LIMS1: variants seen among roughly 807,000 people sequenced by gnomAD.
LIMS1 encodes LIM zinc finger domain containing 1.
Under a neutral mutation model 44.1 loss-of-function variants are expected in LIMS1, and 18 were observed. That is an observed-to-expected ratio of 0.41 (90% CI 0.28 to 0.61). The LOEUF is 0.61. Ranked by LOEUF, LIMS1 falls within the 20% of genes least tolerant of loss-of-function variation. The pLI, the probability that LIMS1 is intolerant of heterozygous loss-of-function variation, is 0.32. For missense variants in LIMS1, 201 were observed against 422.0 expected, an observed-to-expected ratio of 0.48 and a Z score of 4.59; for synonymous variants, 93 against 149.1, an observed-to-expected ratio of 0.62 and a Z score of 2.74.
intron 1 of LIMS1, among the ~76,000 whole-genome samples, chr2:108,570,644 G>T: frequency 6.6e-6 from 1 of 152,132 alleles, no homozygotes; most frequent in Admixed American, 6.5e-5. Context: ...TACTGTGATG[G>T]CCTGATTCAC....
chr2:108,640,084 G>T (rs141980159), intron 1 of LIMS1, among the ~76,000 whole-genome samples: 2 of 152,154 alleles, frequency 1.3e-5, no homozygotes, highest in African/African-American at 4.8e-5. Flanking sequence ...TTTCCATGAT[G>T]GGTTTCCTGT....
intron 1 of LIMS1, among the ~76,000 whole-genome samples, chr2:108,591,948 C>A (rs916615797): frequency 4.6e-5 from 7 of 152,050 alleles, no homozygotes; most frequent in Non-Finnish European, 1.0e-4. Context: ...GCACGCACCA[C>A]CATGCCCGGC....
chr2:108,581,448 A>G (rs1019356714), intron 1 of LIMS1, among the ~76,000 whole-genome samples: 1 of 152,208 alleles, frequency 6.6e-6, no homozygotes, highest in Non-Finnish European at 1.5e-5. Context: ...TTGGGACACT[A>G]AAACTTTTTT....
chr2:108,641,464 T>G (rs1186029527), intron 1 of LIMS1, among the ~76,000 whole-genome samples: 1 of 152,194 alleles, frequency 6.6e-6, no homozygotes, highest in East Asian at 1.9e-4. Flanking sequence ...TTTGGGCCCC[T>G]GGGATGGGGT....
intron 1 of LIMS1, among the ~76,000 whole-genome samples, chr2:108,638,560 A>G (rs1689437245): frequency 6.6e-6 from 1 of 151,992 alleles, no homozygotes; most frequent in Non-Finnish European, 1.5e-5. Context: ...CCTGTCCAAC[A>G]TGGTGAAACC....
chr2:108,591,998 T>C (rs1250670166), intron 1 of LIMS1, among the ~76,000 whole-genome samples: 1 of 152,110 alleles, frequency 6.6e-6, no homozygotes, highest in Non-Finnish European at 1.5e-5. Context: ...TTTCACCATA[T>C]TGGCCAGGCT....
At chr2:108,675,940 A>G in exon 6 of LIMS1, 1 of 1,613,994 alleles carries the variant, frequency 6.2e-7, no homozygotes, top group Non-Finnish European at 8.5e-7. Context: ...CCATGCCATG[A>G]TAAAATGGGG....
In LIMS1 at chr2:108,568,090, G is replaced by A. The variant is rs147400367; in HGVS notation, c.32+33496G>A. Among the ~76,000 whole-genome samples the A allele has an allele frequency of 3.9e-5, 6 of 152,230 alleles. No homozygotes were observed. In the East Asian group the frequency reaches 1.2e-3, roughly 29 times the overall value. On this transcript the variant is annotated intron_variant, in intron 1 of 9. Coordinates refer to ENST00000544547, the Ensembl canonical transcript of LIMS1. ...GTGCTTAATATTAGAAGTGTTTTGG[G>A]TATTTCGAAGTTTGGTGATATTTTT...
At chr2:108,635,158 C>T (rs564320558) in intron 1 of LIMS1, among the ~76,000 whole-genome samples, 10 of 152,218 alleles carry the variant, frequency 6.6e-5, no homozygotes, top group East Asian at 5.8e-4. Flanking sequence ...TGGCTGGGCG[C>T]GGTGACTCAC....
intron 1 of LIMS1, among the ~76,000 whole-genome samples, chr2:108,565,677 T>A (rs1400959899): frequency 2.0e-5 from 3 of 152,224 alleles, no homozygotes; most frequent in African/African-American, 7.2e-5. Context: ...CTTAGTGCAT[T>A]CCTGCTGCTA....
intron 1 of LIMS1, among the ~76,000 whole-genome samples, chr2:108,565,602 A>G (rs2104620068): frequency 6.6e-6 from 1 of 152,276 alleles, no homozygotes; most frequent in South Asian, 2.1e-4. Context: ...CCTTAATCTT[A>G]TCTGATCATT....
intron 1 of LIMS1, among the ~76,000 whole-genome samples, chr2:108,585,653 T>C (rs1686070739): frequency 6.6e-6 from 1 of 152,056 alleles, no homozygotes; most frequent in Non-Finnish European, 1.5e-5. Context: ...GGAGTAGCCA[T>C]ACCTACAGCC....
At chr2:108,672,517 T>A (rs964987407) in intron 4 of LIMS1, 72 bp downstream of exon 4, 1 of 429,628 alleles carries the variant, frequency 2.3e-6, no homozygotes, top group African/African-American at 3.9e-5. Context: ...GTATTCTCCA[T>A]GTGGGATGTA....
intron 1 of LIMS1, among the ~76,000 whole-genome samples, chr2:108,606,532 T>C (rs1272166629): frequency 6.6e-6 from 1 of 152,232 alleles, no homozygotes; most frequent in Non-Finnish European, 1.5e-5. Context: ...ATTAGCACTA[T>C]CATGTTTGTA....
intron 1 of LIMS1, among the ~76,000 whole-genome samples, chr2:108,587,756 C>T (rs1219832478): frequency 1.3e-5 from 2 of 152,202 alleles, no homozygotes; most frequent in African/African-American, 4.8e-5. Flanking sequence ...ACTGAGGAGT[C>T]CCAGGAGGTG....
At chr2:108,612,914 T>G (rs892427393) in intron 1 of LIMS1, among the ~76,000 whole-genome samples, 1 of 152,188 alleles carries the variant, frequency 6.6e-6, no homozygotes, top group African/African-American at 2.4e-5. Context: ...GAGGCAGTGC[T>G]AGTTCAGACT....
intron 1 of LIMS1, among the ~76,000 whole-genome samples, chr2:108,627,170 C>T (rs1182088783): frequency 6.6e-6 from 1 of 152,156 alleles, no homozygotes; most frequent in Non-Finnish European, 1.5e-5. Flanking sequence ...ATAGGCTGTA[C>T]TGTCTAGGTT....
intron 1 of LIMS1, among the ~76,000 whole-genome samples, chr2:108,646,627 G>T (rs958562226): frequency 6.6e-6 from 1 of 152,182 alleles, no homozygotes; most frequent in African/African-American, 2.4e-5. Context: ...AAGTAACTAA[G>T]ATCAGAGCAG....
chr2:108,582,976 AACTC>A (rs1685942780), intron 1 of LIMS1, among the ~76,000 whole-genome samples: 1 of 152,060 alleles, frequency 6.6e-6, no homozygotes, highest in African/African-American at 2.4e-5. Flanking sequence ...TCTATTTAGA[AACTC>A]AAATCCTTTA....
Sources: allele counts gnomAD v4.1 joint callset (sites outside exome capture counted in the v4.1 genomes callset), GRCh38; gene constraint gnomAD v4.1.1; transcripts MANE v1.5; gene names NCBI Gene and HGNC (gene_info 2026-07-23, HGNC 2026-07-21).